Variants in CREBBP observed in about 807,000 individuals in gnomAD.
CREBBP encodes the protein CREB-binding protein.
A neutral mutation model predicts 265.0 loss-of-function variants in CREBBP; 19 were observed. The observed-to-expected ratio is 0.07, with a 90% confidence interval of 0.05 to 0.11. The LOEUF is 0.11. Ranked by LOEUF, CREBBP falls within the 10% of genes least tolerant of loss-of-function variation. CREBBP has a pLI of 1.00. For missense variants in CREBBP, 2,525 were observed against 3,219.0 expected, an observed-to-expected ratio of 0.78 and a Z score of 5.22; for synonymous variants, 1,457 against 1,223.7, an observed-to-expected ratio of 1.19 and a Z score of -3.98.
chr16:3,794,110 G>A (rs543070384), intron 3 of CREBBP, among the ~76,000 whole-genome samples: 9 of 151,854 alleles, frequency 5.9e-5, no homozygotes, highest in South Asian at 2.1e-4. Flanking sequence ...GGCGGATCAC[G>A]AGGTCAGGAG....
chr16:3,759,657 C>G (rs2151387245), intron 16 of CREBBP, among the ~76,000 whole-genome samples: 1 of 151,586 alleles, frequency 6.6e-6, no homozygotes, highest in Non-Finnish European at 1.5e-5. Context: ...TTATCCTTGG[C>G]TAAATTAAAT....
At chr16:3,859,836 A>ATG (rs1216946494) in intron 1 of CREBBP, among the ~76,000 whole-genome samples, 4 of 152,236 alleles carry the variant, frequency 2.6e-5, no homozygotes, top group African/African-American at 9.6e-5. Flanking sequence ...GCCTTGCCCT[A>ATG]TCACCTGATA....
Position 3,738,594 on chromosome 16 carries a change from G to C in CREBBP, c.4359C>G (p.Ile1453Met), listed in dbSNP as rs2151334147. The C allele has an allele frequency of 6.2e-7, 1 of 1,613,156 alleles. No individual in the cohort carries two copies. The highest frequency in any genetic ancestry group is 8.5e-7 in the Non-Finnish European group (1 of 1,179,166). ...RCLRTAVYHE[I>M]LIGYLEYVKK... ...TCACATACTCTAAATATCCAATAAGGATCTCATGGTAAACGGCTGTGCGGA... is the reference window on the plus strand; with the variant it reads ...TCACATACTCTAAATATCCAATAAGCATCTCATGGTAAACGGCTGTGCGGA... Residue 1453 changes from isoleucine to methionine, a missense_variant, in exon 26 of 31, where the codon ATC becomes ATG. Transcript: ENST00000262367.
chr16:3,769,768 A>G (rs1596883626), intron 14 of CREBBP, among the ~76,000 whole-genome samples: 1 of 152,234 alleles, frequency 6.6e-6, no homozygotes, highest in Non-Finnish European at 1.5e-5. Context: ...AGACAGTGTT[A>G]CCCAGCCTGT....
chr16:3,827,654 G>C (rs550503172), intron 2 of CREBBP, among the ~76,000 whole-genome samples: 1 of 152,200 alleles, frequency 6.6e-6, no homozygotes, highest in African/African-American at 2.4e-5. Flanking sequence ...GCCTCCCAAA[G>C]TGCTGGGATT....
intron 1 of CREBBP, among the ~76,000 whole-genome samples, chr16:3,868,048 G>A (rs539563390): frequency 6.6e-6 from 1 of 152,188 alleles, no homozygotes; most frequent in Non-Finnish European, 1.5e-5. Context: ...ACATAAAATG[G>A]GCTACTTAGG....
intron 11 of CREBBP, among the ~76,000 whole-genome samples, chr16:3,776,695 C>A (rs894157646): frequency 2.0e-5 from 3 of 152,134 alleles, no homozygotes; most frequent in Non-Finnish European, 4.4e-5. Context: ...TAACGTACCA[C>A]ACCCCCTTCA....
At chr16:3,839,107 G>A (rs1268650426) in intron 2 of CREBBP, among the ~76,000 whole-genome samples, 1 of 152,156 alleles carries the variant, frequency 6.6e-6, no homozygotes, top group East Asian at 1.9e-4. Context: ...AATTCTCAAT[G>A]GCAGCTACTA....
intron 2 of CREBBP, among the ~76,000 whole-genome samples, chr16:3,833,431 CA>C (rs984636483): frequency 9.9e-5 from 15 of 152,182 alleles, no homozygotes; most frequent in African/African-American, 3.4e-4. Context: ...CCAAAACAAA[CA>C]AACAAAACAT....
chr16:3,849,317 C>T (rs1367160667), intron 2 of CREBBP, among the ~76,000 whole-genome samples: 4 of 151,548 alleles, frequency 2.6e-5, no homozygotes, highest in Admixed American at 2.0e-4. Flanking sequence ...CTCTAGAAGG[C>T]AGCTGCAAGG....
intron 2 of CREBBP, among the ~76,000 whole-genome samples, chr16:3,832,590 C>T (rs951929372): frequency 1.3e-5 from 2 of 152,164 alleles, no homozygotes; most frequent in African/African-American, 4.8e-5. Flanking sequence ...ACCTGTACAG[C>T]TTGTTACTGT....
intron 26 of CREBBP, among the ~76,000 whole-genome samples, chr16:3,737,444 T>C (rs1418467416): frequency 6.6e-6 from 1 of 150,456 alleles, no homozygotes; most frequent in Non-Finnish European, 1.5e-5. Context: ...GGAACATTTT[T>C]TTTCTTTTTT....
intron 1 of CREBBP, among the ~76,000 whole-genome samples, chr16:3,856,190 A>G (rs2054960495): frequency 6.6e-6 from 1 of 152,244 alleles, no homozygotes; most frequent in South Asian, 2.1e-4. Context: ...CAATGGCACA[A>G]TCACAGCTCA....
chr16:3,775,617 G>A (rs1330981724), intron 11 of CREBBP, among the ~76,000 whole-genome samples: 1 of 152,186 alleles, frequency 6.6e-6, no homozygotes, highest in African/African-American at 2.4e-5. Context: ...AGACCAGGAA[G>A]ACTTTCCAGG....
chr16:3,856,118 TAAC>T (rs1444980222), intron 1 of CREBBP, among the ~76,000 whole-genome samples: 4 of 152,174 alleles, frequency 2.6e-5, no homozygotes, highest in Admixed American at 6.5e-5. Flanking sequence ...CCCCCCCAAA[TAAC>T]AACATTTTAT....
At chr16:3,840,804 A>G in intron 2 of CREBBP, 1 of 154,760 alleles carries the variant, frequency 6.5e-6, no homozygotes, top group Middle Eastern at 2.0e-3. Flanking sequence ...GTCTATGCAG[A>G]AAGAAAGGAT....
At chr16:3,760,092 A>T (rs1027548332) in intron 16 of CREBBP, among the ~76,000 whole-genome samples, 5 of 152,042 alleles carry the variant, frequency 3.3e-5, no homozygotes, top group Non-Finnish European at 7.4e-5. Flanking sequence ...TTTAATTTTT[A>T]ATTAAATTAT....
chr16:3,775,922 T>C (rs202096641), intron 11 of CREBBP, among the ~76,000 whole-genome samples: 2 of 32 alleles, frequency 0.062, no homozygotes, highest in African/African-American at 0.33. Flanking sequence ...GATTTCTTTC[T>C]TTTTTTTTTT....
intron 23 of CREBBP, chr16:3,741,023 C>G (rs185611544): frequency 2.3e-4 from 55 of 240,730 alleles, no homozygotes; most frequent in African/African-American, 1.3e-3. Context: ...TGGCCAGAGC[C>G]TGTCCGGTGC....
Sources: allele counts gnomAD v4.1 joint callset (sites outside exome capture counted in the v4.1 genomes callset), GRCh38; gene constraint gnomAD v4.1.1; transcripts MANE v1.5; gene names NCBI Gene and HGNC (gene_info 2026-07-23, HGNC 2026-07-21).